HYCC1: variants seen among roughly 807,000 people sequenced by gnomAD.
HYCC1 encodes the protein hyccin PI4KA lipid kinase complex subunit 1.
chr7:22,968,917 C>T, the HYCC1 span, among the ~76,000 whole-genome samples: 1 of 151,904 alleles, frequency 6.6e-6, no homozygotes, highest in Admixed American at 6.6e-5. Context: ...ACCCAGGAGG[C>T]GGAGGTTGCA....
At chr7:22,929,275 G>C in the HYCC1 span, among the ~76,000 whole-genome samples, 5 of 152,162 alleles carry the variant, frequency 3.3e-5, no homozygotes, top group Admixed American at 6.5e-5. Context: ...CAGGACATAG[G>C]CATGGGCAAG....
chr7:22,943,981 T>C, the HYCC1 span: 42,558 of 152,064 alleles, frequency 0.28, 6,139 homozygotes, highest in Non-Finnish European at 0.33. Flanking sequence ...TTTAAACTGG[T>C]AGCCAAAGCA....
chr7:22,964,775 G>C, the HYCC1 span, among the ~76,000 whole-genome samples: 1 of 152,106 alleles, frequency 6.6e-6, no homozygotes, highest in Admixed American at 6.5e-5. Flanking sequence ...TCACTTACTG[G>C]TTAGTTCGCT....
the HYCC1 span, among the ~76,000 whole-genome samples, chr7:22,987,055 T>G: frequency 6.6e-6 from 1 of 152,164 alleles, no homozygotes; most frequent in Admixed American, 6.5e-5. Context: ...AGTCACATAT[T>G]GAGATTCAGC....
the HYCC1 span, among the ~76,000 whole-genome samples, chr7:22,978,685 C>T: frequency 6.6e-6 from 1 of 152,136 alleles, no homozygotes; most frequent in African/African-American, 2.4e-5. Context: ...TGGGTAGTTA[C>T]TGTCCTATCT....
chr7:22,960,504 G>C, the HYCC1 span: 5 of 1,063,104 alleles, frequency 4.7e-6, no homozygotes, highest in African/African-American at 3.1e-5. Flanking sequence ...ATGCTAAACA[G>C]GCTTATACAA....
At chr7:22,995,116 A>ATTCCTC in the HYCC1 span, among the ~76,000 whole-genome samples, 1 of 152,176 alleles carries the variant, frequency 6.6e-6, no homozygotes, top group Admixed American at 6.5e-5. Flanking sequence ...TCCCTGAAAC[A>ATTCCTC]AACCACTGGG....
chr7:22,940,236 G>GTTTTTTTTTTTTT, the HYCC1 span: 3 of 87,188 alleles, frequency 3.4e-5, no homozygotes, highest in African/African-American at 1.0e-4. Flanking sequence ...AATAGGTTCT[G>GTTTTTTTTTTTTT]TTTTTTTTTT....
chr7:22,976,554 T>C, the HYCC1 span: 1 of 707,262 alleles, frequency 1.4e-6, no homozygotes, highest in Non-Finnish European at 2.5e-6. Context: ...TCTAGATCTG[T>C]TTTTCTCTTG....
the HYCC1 span, chr7:22,947,156 C>G: frequency 6.4e-7 from 1 of 1,550,396 alleles, no homozygotes. Context: ...TTTCCCCATT[C>G]CCGGTTCTCT....
chr7:22,942,956 G>C, the HYCC1 span: 1 of 152,102 alleles, frequency 6.6e-6, no homozygotes, highest in South Asian at 2.1e-4. Flanking sequence ...AAATCAATTA[G>C]TGCAAATCAT....
At chr7:22,976,419 C>T in the HYCC1 span, 2 of 740,540 alleles carry the variant, frequency 2.7e-6, no homozygotes, top group South Asian at 1.6e-5. Context: ...CAGACCTGCA[C>T]AGTATAAGCA....
chr7:22,969,891 C>T, the HYCC1 span, among the ~76,000 whole-genome samples: 25 of 152,148 alleles, frequency 1.6e-4, no homozygotes, highest in African/African-American at 5.5e-4. Context: ...AAAACTTACA[C>T]GGTATCTATG....
At chr7:22,985,283 C>T in the HYCC1 span, among the ~76,000 whole-genome samples, 1 of 152,108 alleles carries the variant, frequency 6.6e-6, no homozygotes, top group African/African-American at 2.4e-5. Flanking sequence ...TAAATTTTTA[C>T]AATAAAGACA....
At chr7:22,939,342 CCCA>C in the HYCC1 span, 2 of 152,122 alleles carry the variant, frequency 1.3e-5, no homozygotes, top group Non-Finnish European at 2.9e-5. Flanking sequence ...TGTTGAACTG[CCCA>C]CCAATTCATT....
chr7:22,932,076 CAAA>C, the HYCC1 span, among the ~76,000 whole-genome samples: 1 of 152,032 alleles, frequency 6.6e-6, no homozygotes, highest in Non-Finnish European at 1.5e-5. Context: ...GCGTGGTGGA[CAAA>C]AGTTTGTTGA....
chr7:22,969,515 T>G, the HYCC1 span, among the ~76,000 whole-genome samples: 8 of 121,560 alleles, frequency 6.6e-5, no homozygotes, highest in African/African-American at 1.6e-4. Flanking sequence ...AATTTGGGTG[T>G]TTTTTTTTGG....
chr7:22,998,414 G>A, the HYCC1 span, among the ~76,000 whole-genome samples: 1 of 152,016 alleles, frequency 6.6e-6, no homozygotes, highest in African/African-American at 2.4e-5. Context: ...ATGGCACTAC[G>A]ATGAGCACTT....
At chr7:22,985,497 T>A in the HYCC1 span, 2 of 152,158 alleles carry the variant, frequency 1.3e-5, no homozygotes, top group African/African-American at 4.8e-5. Context: ...CACCTTGGGA[T>A]ATATAAGTGA....
Sources: gnomAD v4.1 joint callset for allele counts (sites outside exome capture counted in the v4.1 genomes callset) on GRCh38, gnomAD v4.1.1 for gene constraint, MANE v1.5 for transcripts, NCBI Gene and HGNC (gene_info 2026-07-23, HGNC 2026-07-21) for gene names.